Variants in DLGAP2 observed in about 807,000 individuals in gnomAD.
The protein encoded by DLGAP2 is disks large-associated protein 2.
In DLGAP2, 26 loss-of-function variants were observed where a neutral mutation model predicts 100.3. The observed-to-expected ratio is 0.26, with a 90% CI of 0.19 to 0.36. The LOEUF (loss-of-function observed/expected upper bound fraction) is 0.36, where lower values mean the gene tolerates loss of function less well. DLGAP2 is among the 10% of genes least tolerant of loss of function. The probability of loss-of-function intolerance (pLI) is 1.00; values close to 1 mark genes in which losing one functional copy is unlikely to be tolerated. For missense variants in DLGAP2, 1,858 were observed against 1,453.2 expected (o/e 1.28, Z -4.53); for synonymous variants, 886 against 630.1 (o/e 1.41, Z -6.08).
At chr8:946,919 G>T (rs1003101275) in intron 2 of DLGAP2, among the ~76,000 whole-genome samples, 1 of 152,162 alleles carries the variant, frequency 6.6e-6, no homozygotes, top group Non-Finnish European at 1.5e-5. Context: ...AAAAGCCACC[G>T]GCCGCCCTGT....
chr8:1,555,049 G>A (rs1458653771), intron 5 of DLGAP2, among the ~76,000 whole-genome samples: 1 of 152,168 alleles, frequency 6.6e-6, no homozygotes, highest in East Asian at 1.9e-4. Flanking sequence ...TGAAAGGAGG[G>A]CTTTTGTTTT....
chr8:977,176 G>A (rs1044804275), intron 2 of DLGAP2, among the ~76,000 whole-genome samples: 3 of 152,172 alleles, frequency 2.0e-5, no homozygotes, highest in Non-Finnish European at 4.4e-5. Context: ...CTCCTGAAAT[G>A]TTGCAAATGT....
chr8:1,532,817 A>T (rs1801028426), intron 4 of DLGAP2, among the ~76,000 whole-genome samples: 1 of 152,190 alleles, frequency 6.6e-6, no homozygotes, highest in South Asian at 2.1e-4. Flanking sequence ...GTTTTGAAAC[A>T]ATTTTAAGGA....
intron 3 of DLGAP2, among the ~76,000 whole-genome samples, chr8:1,324,641 G>T (rs1039001889): frequency 6.6e-6 from 1 of 152,140 alleles, no homozygotes; most frequent in Non-Finnish European, 1.5e-5. Context: ...TCTCAAAAGC[G>T]CCTTTGGACT....
At chr8:1,664,296 C>T (rs1318477774) in intron 8 of DLGAP2, among the ~76,000 whole-genome samples, 2 of 152,152 alleles carry the variant, frequency 1.3e-5, no homozygotes, top group Admixed American at 1.3e-4. Context: ...TACATCTAGG[C>T]ACAGGCTATG....
intron 2 of DLGAP2, among the ~76,000 whole-genome samples, chr8:1,145,172 C>A (rs9692922): frequency 0.03 from 4,589 of 152,218 alleles, 249 homozygotes; most frequent in African/African-American, 0.11. Flanking sequence ...AGAAACACAA[C>A]TTTCCCCCCA....
At chr8:1,558,093 G>C (rs971547586) in intron 5 of DLGAP2, among the ~76,000 whole-genome samples, 6 of 152,216 alleles carry the variant, frequency 3.9e-5, no homozygotes, top group African/African-American at 1.4e-4. Flanking sequence ...GGTCCTCGAG[G>C]GGTGAGTGTG....
chr8:769,533 A>G (rs546137713), intron 1 of DLGAP2, among the ~76,000 whole-genome samples: 1 of 152,206 alleles, frequency 6.6e-6, no homozygotes, highest in South Asian at 2.1e-4. Context: ...AAAAATCATG[A>G]GAAATCTTTC....
intron 2 of DLGAP2, among the ~76,000 whole-genome samples, chr8:916,445 A>G (rs1424062614): frequency 6.6e-6 from 1 of 152,166 alleles, no homozygotes; most frequent in African/African-American, 2.4e-5. Context: ...CAAACACCAC[A>G]TGTTCTCACT....
chr8:1,169,076 A>G (rs942503256), intron 2 of DLGAP2, among the ~76,000 whole-genome samples: 3 of 148,116 alleles, frequency 2.0e-5, no homozygotes, highest in African/African-American at 7.5e-5. Flanking sequence ...TAAGGAAGGG[A>G]TCCAGTTTCA....
intron 3 of DLGAP2, among the ~76,000 whole-genome samples, chr8:1,425,360 T>C (rs916709257): frequency 8.5e-5 from 13 of 152,164 alleles, no homozygotes; most frequent in Non-Finnish European, 1.2e-4. Flanking sequence ...ACATCTAGCA[T>C]CTTCCCCGGG....
chr8:881,345 G>C (rs1163557606), intron 1 of DLGAP2, among the ~76,000 whole-genome samples: 1 of 152,076 alleles, frequency 6.6e-6, no homozygotes, highest in Non-Finnish European at 1.5e-5. Flanking sequence ...AATTTGACTG[G>C]TTGTATCTCT....
chr8:1,512,113 C>G (rs1435226467), intron 4 of DLGAP2, among the ~76,000 whole-genome samples: 1 of 152,220 alleles, frequency 6.6e-6, no homozygotes, highest in Admixed American at 6.5e-5. Flanking sequence ...GACGGCCTCC[C>G]TAACGCGTCT....
chr8:1,033,770 C>T (rs62488490), intron 2 of DLGAP2, among the ~76,000 whole-genome samples: 12,409 of 147,030 alleles, frequency 0.084, 340 homozygotes, highest in Non-Finnish European at 0.12. Flanking sequence ...CGCGTGTCAC[C>T]GCGAGTGGGT....
intron 2 of DLGAP2, among the ~76,000 whole-genome samples, chr8:1,227,546 T>C (rs1798447799): frequency 6.6e-6 from 1 of 151,622 alleles, no homozygotes; most frequent in African/African-American, 2.4e-5. Context: ...CAGACTGGAG[T>C]GCAGTGGCAC....
chr8:1,132,498 A>G (rs780566299), intron 2 of DLGAP2, among the ~76,000 whole-genome samples: 21 of 152,250 alleles, frequency 1.4e-4, no homozygotes, highest in South Asian at 4.1e-4. Flanking sequence ...CAGTGAATAC[A>G]AAACTCACTG....
chr8:1,645,848 A>T (rs1798027996), intron 8 of DLGAP2, among the ~76,000 whole-genome samples: 1 of 152,200 alleles, frequency 6.6e-6, no homozygotes. Context: ...CCTTAAAAAG[A>T]TCTTTTTCCT....
intron 3 of DLGAP2, among the ~76,000 whole-genome samples, chr8:1,285,699 TG>T (rs1486636700): frequency 1.3e-5 from 2 of 152,268 alleles, no homozygotes; most frequent in Non-Finnish European, 1.5e-5. Context: ...TCTATTTTTC[TG>T]GCTCATGCCT....
intron 1 of DLGAP2, among the ~76,000 whole-genome samples, chr8:877,182 A>T (rs529215740): frequency 3.3e-5 from 5 of 152,016 alleles, no homozygotes; most frequent in African/African-American, 1.2e-4. Context: ...CATTGTATGG[A>T]TCATACTTTC....
Sources: gnomAD v4.1 joint callset for allele counts (sites outside exome capture counted in the v4.1 genomes callset) on GRCh38, gnomAD v4.1.1 for gene constraint, MANE v1.5 for transcripts, NCBI Gene and HGNC (gene_info 2026-07-23, HGNC 2026-07-21) for gene names.